The following XCR1 variants were observed in gnomAD, a reference collection of about 807,000 sequenced individuals.
The protein encoded by XCR1 is X-C motif chemokine receptor 1.
For missense variants in XCR1, 356 were observed against 424.2 expected, an observed-to-expected ratio of 0.84 and a Z score of 1.41; for synonymous variants, 187 against 188.5, an observed-to-expected ratio of 0.99 and a Z score of 0.06.
chr3:46,061,699 C>A (rs910953330), intron 4 of XCR1, among the ~76,000 whole-genome samples: 5 of 151,884 alleles, frequency 3.3e-5, no homozygotes, highest in Non-Finnish European at 7.4e-5. Context: ...TGGGGTCCTG[C>A]GAGGGGAAAG....
intron 4 of XCR1, among the ~76,000 whole-genome samples, chr3:46,056,457 G>A (rs1468080138): frequency 6.6e-5 from 10 of 152,016 alleles, no homozygotes; most frequent in Non-Finnish European, 2.9e-5. Context: ...ATTCTAGAAA[G>A]CAGTTTGGCA....
At chr3:46,080,576 C>T (rs1174421792) in intron 1 of XCR1, among the ~76,000 whole-genome samples, 1 of 152,042 alleles carries the variant, frequency 6.6e-6, no homozygotes, top group Admixed American at 6.6e-5. Flanking sequence ...ACAAAAACAA[C>T]AAAAAACCCC....
intron 4 of XCR1, among the ~76,000 whole-genome samples, chr3:46,065,376 T>G (rs1191022650): frequency 2.6e-5 from 4 of 152,162 alleles, no homozygotes; most frequent in African/African-American, 9.7e-5. Context: ...CAACTTAACT[T>G]TGATGTGGCT....
At chr3:46,036,601 T>C (rs1462198337) in intron 5 of XCR1, among the ~76,000 whole-genome samples, 1 of 152,222 alleles carries the variant, frequency 6.6e-6, no homozygotes, top group Non-Finnish European at 1.5e-5. Flanking sequence ...AAAATAGGAA[T>C]GTCTTAAGAA....
At chr3:46,033,795 C>T (rs1433458554) in intron 5 of XCR1, among the ~76,000 whole-genome samples, 3 of 152,146 alleles carry the variant, frequency 2.0e-5, no homozygotes, top group Admixed American at 1.3e-4. Context: ...TATCCTTAAA[C>T]ATGGAATATT....
chr3:46,082,403 A>C (rs1698384552), intron 1 of XCR1, among the ~76,000 whole-genome samples: 4 of 149,228 alleles, frequency 2.7e-5, no homozygotes, highest in Admixed American at 2.7e-4. Flanking sequence ...GCATATATAC[A>C]TGCATACACA....
At chr3:46,024,149 A>G (rs919661789) in intron 1 of XCR1, 3 of 640,692 alleles carry the variant, frequency 4.7e-6, no homozygotes, top group Non-Finnish European at 8.4e-6. Flanking sequence ...GGATTTATGA[A>G]TAATTAAAAT....
intron 5 of XCR1, among the ~76,000 whole-genome samples, chr3:46,036,004 CT>C (rs1287281439): frequency 1.3e-5 from 2 of 152,148 alleles, no homozygotes; most frequent in East Asian, 3.8e-4. Flanking sequence ...TTTGGACACT[CT>C]TGGGGCTTGT....
At chr3:46,066,200 TCCTC>T (rs113824413) in intron 4 of XCR1, among the ~76,000 whole-genome samples, 16 of 140,594 alleles carry the variant, frequency 1.1e-4, no homozygotes, top group South Asian at 2.1e-4. Context: ...CTTCCTTCCT[TCCTC>T]CCTCCCTCCC....
intron 4 of XCR1, among the ~76,000 whole-genome samples, chr3:46,057,829 A>G (rs925272913): frequency 5.3e-5 from 8 of 152,122 alleles, no homozygotes; most frequent in Admixed American, 2.6e-4. Flanking sequence ...ATTGTGTAAG[A>G]CAATTTCTTG....
intron 5 of XCR1, among the ~76,000 whole-genome samples, chr3:46,046,499 T>C (rs1697629987): frequency 6.6e-6 from 1 of 152,382 alleles, no homozygotes; most frequent in South Asian, 2.1e-4. Flanking sequence ...CCTGCATTCA[T>C]GATAAACAGT....
chr3:46,085,336 AC>A (rs1406129677), intron 1 of XCR1, among the ~76,000 whole-genome samples: 1 of 152,218 alleles, frequency 6.6e-6, no homozygotes, highest in Non-Finnish European at 1.5e-5. Context: ...GAGGCAAGTA[AC>A]TTGGCCAAAG....
chr3:46,068,155 C>T (rs1034481944), intron 3 of XCR1, among the ~76,000 whole-genome samples: 11 of 152,162 alleles, frequency 7.2e-5, no homozygotes, highest in African/African-American at 2.2e-4. Context: ...GCAAATTCTA[C>T]CAGCCTCAGC....
At chr3:46,073,398 C>A (rs1184358471) in intron 3 of XCR1, among the ~76,000 whole-genome samples, 3 of 152,004 alleles carry the variant, frequency 2.0e-5, no homozygotes, top group African/African-American at 7.2e-5. Context: ...AGTTCCAGAC[C>A]AGCTTGGCCA....
rs1399961448 is a variant in XCR1 at position 46,017,451 on chromosome 3, G to A, written c.*3495C>T. ...AGACAAGTTCACAAGAAGCTCATGGGGTGAGTACCTGGTGTTGACCAGAAG... is the reference window on the plus strand; with the variant it reads ...AGACAAGTTCACAAGAAGCTCATGGAGTGAGTACCTGGTGTTGACCAGAAG... On this transcript the variant is annotated 3_prime_UTR_variant, in exon 2 of 2. Transcript: ENST00000309285. 1.3e-5 allele frequency: 2 copies of A among 152,200 alleles called. No individual in the cohort carries two copies. Among genetic ancestry groups the A allele is most frequent in the East Asian group, 1.9e-4 (1 of 5,202 alleles). 9.4% of individuals were successfully genotyped at this position (152,200 alleles called of 1,614,324 possible).
intron 3 of XCR1, among the ~76,000 whole-genome samples, chr3:46,070,023 T>A (rs1212713111): frequency 1.3e-5 from 2 of 152,030 alleles, no homozygotes; most frequent in Non-Finnish European, 2.9e-5. Context: ...TCTCAAAAAA[T>A]TTTTAAATTT....
intron 5 of XCR1, among the ~76,000 whole-genome samples, chr3:46,044,671 A>G (rs1031181796): frequency 6.6e-6 from 1 of 152,234 alleles, no homozygotes; most frequent in Non-Finnish European, 1.5e-5. Flanking sequence ...AAGAGGAGTC[A>G]TTACTACTAA....
intron 4 of XCR1, among the ~76,000 whole-genome samples, chr3:46,060,510 T>A (rs1406261262): frequency 6.6e-6 from 1 of 152,168 alleles, no homozygotes; most frequent in Non-Finnish European, 1.5e-5. Context: ...TGTTAATTCA[T>A]AGGTAAGAGG....
At chr3:46,029,258 T>A (rs528835757), upstream of XCR1, among the ~76,000 whole-genome samples, 24 of 152,284 alleles carry the variant, frequency 1.6e-4, no homozygotes, top group Middle Eastern at 3.4e-3. Context: ...GTCTGGAGTG[T>A]AGTGGTGCGA....
Sources: gnomAD v4.1 joint callset for allele counts (sites outside exome capture counted in the v4.1 genomes callset) on GRCh38, gnomAD v4.1.1 for gene constraint, MANE v1.5 for transcripts, NCBI Gene and HGNC (gene_info 2026-07-23, HGNC 2026-07-21) for gene names.